TANC2: variants seen among roughly 807,000 people sequenced by gnomAD.
The protein encoded by TANC2 is protein TANC2.
A neutral mutation model predicts 210.5 loss-of-function variants in TANC2; 26 were observed. The observed-to-expected ratio is 0.12, with a 90% CI of 0.09 to 0.17. TANC2 has a LOEUF of 0.17. Ranked by LOEUF, TANC2 falls within the 10% of genes least tolerant of loss-of-function variation. TANC2 has a pLI of 1.00. For synonymous variants in TANC2, 931 were observed against 967.1 expected (o/e 0.96, Z 0.69); for missense variants, 2,129 against 2,608.9 (o/e 0.82, Z 4.01).
At chr17:63,356,095 C>G (rs1043438436) in intron 14 of TANC2, among the ~76,000 whole-genome samples, 2 of 151,972 alleles carry the variant, frequency 1.3e-5, no homozygotes, top group Non-Finnish European at 2.9e-5. Context: ...CTCCCCACCC[C>G]ACACGCACAA....
At chr17:63,168,001 C>A (rs948377234) in intron 5 of TANC2, among the ~76,000 whole-genome samples, 1 of 151,046 alleles carries the variant, frequency 6.6e-6, no homozygotes, top group Admixed American at 6.6e-5. Flanking sequence ...CATCTAAATA[C>A]TCCCCTCTGC....
intron 2 of TANC2, among the ~76,000 whole-genome samples, chr17:63,073,356 G>C (rs943769482): frequency 5.9e-5 from 9 of 151,922 alleles, no homozygotes; most frequent in Middle Eastern, 3.4e-3. Flanking sequence ...GGAATATACT[G>C]TTTTGGTTAT....
At position 63,358,976 on chromosome 17, in the gene TANC2, T is replaced by TTGTGTGTGTGTGTG. The variant is rs34338483; in HGVS notation, c.2582+3604_2582+3617dup. On this transcript the variant is annotated intron_variant, in intron 14 of 27. Transcript: ENST00000689528. ...ATAGGAACGGCTCTCAGATTAATAT[T>TTGTGTGTGTGTGTG]TGTGTGTGTGTGTGTGTGTGTGTGT... Among the ~76,000 whole-genome samples the TTGTGTGTGTGTGTG allele has an allele frequency of 1.4e-3, 213 of 147,912 alleles. 1 individual carries two copies. The highest frequency in any genetic ancestry group is 4.6e-3 in the African/African-American group (184 of 39,774).
At position 63,364,675 on chromosome 17, in the gene TANC2, G is replaced by A. The variant is rs188578442; in HGVS notation, c.2582+9285G>A. 2.2e-3 allele frequency among the ~76,000 whole-genome samples: 338 copies of A among 152,106 alleles called. 1 individual carries two copies. Among genetic ancestry groups the A allele is most frequent in the East Asian group, 8.1e-3 (42 of 5,174 alleles). On this transcript the variant is annotated intron_variant, in intron 14 of 27. Transcript: ENST00000689528. ...GGTGGCTTATGCCTGTAATCCCAGG[G>A]CTTTGGAAAGCCAAGGTGGGAGAAT...
intron 1 of TANC2, among the ~76,000 whole-genome samples, chr17:62,989,401 C>T (rs987618373): frequency 6.6e-6 from 1 of 152,176 alleles, no homozygotes; most frequent in Admixed American, 6.5e-5. Flanking sequence ...TTTTCACTAA[C>T]GTGTTTCTAA....
chr17:63,181,957 A>C (rs7213434), intron 5 of TANC2, among the ~76,000 whole-genome samples: 6,999 of 152,252 alleles, frequency 0.046, 513 homozygotes, highest in African/African-American at 0.15. Context: ...AGGTGTAGGT[A>C]GTAGGCGGAA....
At chr17:63,248,144 T>A (rs1431177099) in intron 8 of TANC2, among the ~76,000 whole-genome samples, 1 of 152,072 alleles carries the variant, frequency 6.6e-6, no homozygotes, top group African/African-American at 2.4e-5. Context: ...TTAAATTAAA[T>A]TTTCTCGTCT....
intron 2 of TANC2, among the ~76,000 whole-genome samples, chr17:63,010,235 T>C (rs1301890465): frequency 1.3e-5 from 2 of 152,180 alleles, no homozygotes; most frequent in African/African-American, 4.8e-5. Flanking sequence ...AGTTTATAAA[T>C]TTATATTGGT....
intron 4 of TANC2, among the ~76,000 whole-genome samples, chr17:63,101,826 T>C (rs1319916631): frequency 6.6e-5 from 10 of 152,142 alleles, no homozygotes; most frequent in African/African-American, 2.4e-4. Flanking sequence ...GAGGAGATAA[T>C]TGAGCTGAGT....
chr17:63,048,863 C>T (rs1473917058), intron 2 of TANC2, among the ~76,000 whole-genome samples: 1 of 152,120 alleles, frequency 6.6e-6, no homozygotes, highest in South Asian at 2.1e-4. Flanking sequence ...GCCTTGGTTC[C>T]TGCATGATGA....
intron 3 of TANC2, among the ~76,000 whole-genome samples, chr17:63,084,926 C>T (rs544300510): frequency 7.9e-5 from 12 of 152,142 alleles, no homozygotes; most frequent in East Asian, 3.9e-4. Context: ...ATTCCATGTG[C>T]GCTTGAAAAG....
At chr17:63,374,408 C>A (rs1475577091) in intron 14 of TANC2, among the ~76,000 whole-genome samples, 1 of 152,046 alleles carries the variant, frequency 6.6e-6, no homozygotes, top group Non-Finnish European at 1.5e-5. Flanking sequence ...AATATATACC[C>A]CTATTACCTA....
chr17:63,236,912 A>G (rs766660051), intron 7 of TANC2, among the ~76,000 whole-genome samples: 5 of 152,142 alleles, frequency 3.3e-5, no homozygotes, highest in Non-Finnish European at 5.9e-5. Context: ...ATTTAGGTTG[A>G]TTCCATATCT....
chr17:63,357,915 G>A (rs1227601778), intron 14 of TANC2, among the ~76,000 whole-genome samples: 1 of 152,152 alleles, frequency 6.6e-6, no homozygotes, highest in African/African-American at 2.4e-5. Context: ...TCTTTCAGTA[G>A]ATCAAAGAAG....
At chr17:63,201,089 T>G (rs143938302) in intron 7 of TANC2, 132 bp downstream of exon 7, 11 of 731,004 alleles carry the variant, frequency 1.5e-5, no homozygotes, top group African/African-American at 1.4e-4. Flanking sequence ...CTGGTCTTTT[T>G]AATGATGCTG....
At chr17:63,385,790 C>T (rs926674579) in intron 15 of TANC2, among the ~76,000 whole-genome samples, 4 of 152,156 alleles carry the variant, frequency 2.6e-5, no homozygotes, top group African/African-American at 9.7e-5. Context: ...ATTAGGTAGC[C>T]ATTTTTAAAT....
At chr17:63,272,044 C>G (rs1043546257) in intron 9 of TANC2, among the ~76,000 whole-genome samples, 8 of 151,978 alleles carry the variant, frequency 5.3e-5, no homozygotes, top group Non-Finnish European at 1.0e-4. Context: ...TTTCTTTATC[C>G]AGAATGGTAT....
At chr17:63,285,644 A>G (rs1325754451) in intron 9 of TANC2, among the ~76,000 whole-genome samples, 1 of 152,218 alleles carries the variant, frequency 6.6e-6, no homozygotes, top group East Asian at 1.9e-4. Flanking sequence ...GAAATTAGAC[A>G]CAAGCTTCCA....
chr17:62,969,709 GTGTA>G (rs550050152), intron 1 of TANC2, among the ~76,000 whole-genome samples: 4,234 of 151,606 alleles, frequency 0.028, 73 homozygotes, highest in South Asian at 0.037. Flanking sequence ...GTGTGTGTGT[GTGTA>G]TATAAATACA....
Sources: allele counts gnomAD v4.1 joint callset (sites outside exome capture counted in the v4.1 genomes callset), GRCh38; gene constraint gnomAD v4.1.1; transcripts MANE v1.5; gene names NCBI Gene and HGNC (gene_info 2026-07-23, HGNC 2026-07-21).